XYLT1: variants seen among roughly 807,000 people sequenced by gnomAD.
XYLT1 encodes beta-D-xylosyltransferase 1.
A neutral mutation model predicts 91.3 loss-of-function variants in XYLT1; 36 were observed. The observed-to-expected ratio is 0.39, with a 90% confidence interval of 0.30 to 0.52. The LOEUF (loss-of-function observed/expected upper bound fraction) is 0.52. XYLT1 is among the 20% of genes least tolerant of loss of function. XYLT1 has a pLI of 0.68. For synonymous variants in XYLT1, 588 were observed against 532.0 expected, an observed-to-expected ratio of 1.11 and a Z score of -1.45; for missense variants, 1,242 against 1,284.5, an observed-to-expected ratio of 0.97 and a Z score of 0.51.
chr16:17,399,248 G>A (rs2035932976), intron 1 of XYLT1, among the ~76,000 whole-genome samples: 1 of 152,274 alleles, frequency 6.6e-6, no homozygotes, highest in Admixed American at 6.5e-5. Context: ...TGGCAACGGA[G>A]GCTGAGATGC....
chr16:17,231,049 CTT>C (rs1374002655), intron 3 of XYLT1, among the ~76,000 whole-genome samples: 1 of 152,234 alleles, frequency 6.6e-6, no homozygotes, highest in Admixed American at 6.5e-5. Context: ...TATCTCATGA[CTT>C]GTGCCTCTCA....
chr16:17,298,377 C>T (rs1450026333), intron 2 of XYLT1, among the ~76,000 whole-genome samples: 3 of 152,228 alleles, frequency 2.0e-5, no homozygotes, highest in East Asian at 3.9e-4. Context: ...CTCATCTTCA[C>T]AGCACGCCTG....
intron 5 of XYLT1, among the ~76,000 whole-genome samples, chr16:17,169,212 C>A (rs560822550): frequency 6.6e-6 from 1 of 152,138 alleles, no homozygotes; most frequent in African/African-American, 2.4e-5. Context: ...AATTGAAGCA[C>A]GAGCATTCAG....
chr16:17,311,820 G>A (rs544246667), intron 2 of XYLT1, among the ~76,000 whole-genome samples: 20 of 93,020 alleles, frequency 2.2e-4, no homozygotes, highest in South Asian at 8.5e-4. Context: ...CAAAAGGCAC[G>A]TCTTACATGG....
intron 1 of XYLT1, among the ~76,000 whole-genome samples, chr16:17,448,746 G>A (rs1054570862): frequency 3.5e-4 from 53 of 152,016 alleles, no homozygotes; most frequent in African/African-American, 1.3e-3. Context: ...GGGTGGAGGA[G>A]GAGGAGGGCA....
intron 1 of XYLT1, among the ~76,000 whole-genome samples, chr16:17,417,498 C>T (rs2036194584): frequency 1.3e-5 from 2 of 152,052 alleles, no homozygotes; most frequent in African/African-American, 4.8e-5. Context: ...CCTGCTTGCT[C>T]ATCTCCCAGA....
chr16:17,397,888 T>TCTCGG (rs909924842), intron 1 of XYLT1, among the ~76,000 whole-genome samples: 3 of 149,560 alleles, frequency 2.0e-5, no homozygotes, highest in African/African-American at 7.4e-5. Context: ...AGTGGTGCGA[T>TCTCGG]CTCGGCTCAC....
intron 1 of XYLT1, among the ~76,000 whole-genome samples, chr16:17,432,899 G>T (rs957794536): frequency 6.6e-6 from 1 of 152,060 alleles, no homozygotes; most frequent in Non-Finnish European, 1.5e-5. Flanking sequence ...AACACGCAAG[G>T]GCCACGTATT....
At chr16:17,199,385 G>A (rs2032490319) in intron 4 of XYLT1, among the ~76,000 whole-genome samples, 2 of 152,178 alleles carry the variant, frequency 1.3e-5, no homozygotes, top group South Asian at 2.1e-4. Flanking sequence ...CTCCTTGGCT[G>A]CTTTAGCACA....
rs1011245362 is a variant in XYLT1, at chr16:17,103,874, G to A, written c.*4821C>T. ...AAGAAAGCCCTCCTCCATCTTAAGAGGGTCCTATACAGTATCTTGTTTGCA... is the reference window on the plus strand; with the variant it reads ...AAGAAAGCCCTCCTCCATCTTAAGAAGGTCCTATACAGTATCTTGTTTGCA... On this transcript the variant is annotated 3_prime_UTR_variant, in exon 12 of 12. Transcript: ENST00000261381. 1 of 152,368 alleles carries A rather than the reference G, an allele frequency of 6.6e-6. No homozygotes were observed. Among genetic ancestry groups the A allele is most frequent in the South Asian group, 2.1e-4 (1 of 4,808 alleles). 9.4% of individuals were successfully genotyped at this position (152,368 alleles called of 1,614,324 possible).
At position 17,445,065 on chromosome 16, in the gene XYLT1, T is replaced by C. The variant is rs546848253; in HGVS notation, c.363+25369A>G. 1.9e-3 allele frequency among the ~76,000 whole-genome samples: 285 copies of C among 152,220 alleles called. 1 individual carries two copies. The highest frequency in any genetic ancestry group is 2.8e-3 in the Non-Finnish European group (192 of 68,036). ...CCCAGACTGAAGTGCAGTAGCACGA[T>C]CTCAGCTCACTACAACCTTTGCCTC... On this transcript the variant is annotated intron_variant, in intron 1 of 11. Transcript: ENST00000261381.
intron 5 of XYLT1, chr16:17,194,351 G>A (rs2032382420): frequency 6.6e-6 from 1 of 152,242 alleles, no homozygotes; most frequent in African/African-American, 2.4e-5. Context: ...TTTAGGGGAG[G>A]TGGCCACGCA....
At chr16:17,286,979 C>T (rs1354243191) in intron 2 of XYLT1, among the ~76,000 whole-genome samples, 3 of 152,160 alleles carry the variant, frequency 2.0e-5, no homozygotes, top group African/African-American at 7.2e-5. Flanking sequence ...CGATCATTCA[C>T]TGATCCTGCA....
At chr16:17,441,952 G>C (rs1291884954) in intron 1 of XYLT1, among the ~76,000 whole-genome samples, 1 of 152,158 alleles carries the variant, frequency 6.6e-6, no homozygotes, top group African/African-American at 2.4e-5. Context: ...TACCCAGATA[G>C]TCAGTCAGAC....
At chr16:17,142,981 C>A (rs1161023424) in intron 6 of XYLT1, among the ~76,000 whole-genome samples, 1 of 152,104 alleles carries the variant, frequency 6.6e-6, no homozygotes, top group Non-Finnish European at 1.5e-5. Flanking sequence ...TTCCCATGAA[C>A]CCTAGATTAA....
rs1415638900 is a variant in XYLT1 at position 17,108,353 on chromosome 16, G to C, written c.*342C>G. The stretch of plus-strand genomic sequence containing the variant: ...CTTATGACTGTGCTCCGTAAACGAA[G>C]TTCTGCTGCTCGAAAGAAAAGTCTG... On this transcript the variant is annotated 3_prime_UTR_variant, in exon 12 of 12. Transcript: ENST00000261381. The C allele has an allele frequency of 1.3e-5, 3 of 238,352 alleles. No individual in the cohort carries two copies. Among genetic ancestry groups the C allele is most frequent in the Non-Finnish European group, 2.4e-5 (3 of 123,848 alleles). 14.8% of individuals were successfully genotyped at this position (238,352 alleles called of 1,614,324 possible). A position where few individuals can be genotyped will look rare whatever the true frequency, so the allele number is the denominator to read the frequency against.
At chr16:17,342,693 GC>G in intron 2 of XYLT1, among the ~76,000 whole-genome samples, 1 of 152,080 alleles carries the variant, frequency 6.6e-6, no homozygotes, top group East Asian at 1.9e-4. Flanking sequence ...TTGCACTCCA[GC>G]CTGGGCAACA....
chr16:17,441,430 A>G (rs1209908019), intron 1 of XYLT1, among the ~76,000 whole-genome samples: 1 of 152,186 alleles, frequency 6.6e-6, no homozygotes, highest in Non-Finnish European at 1.5e-5. Context: ...TACCTGAAAG[A>G]ATGGATAACC....
At position 17,287,682 on chromosome 16, in the gene XYLT1, T is replaced by C. The variant is rs533348900; in HGVS notation, c.403-28184A>G. On this transcript the variant is annotated intron_variant, in intron 2 of 11. Coordinates refer to ENST00000261381, the MANE Select transcript of XYLT1 (RefSeq NM_022166.4). The stretch of plus-strand genomic sequence containing the variant: ...CACTTTGCATTAAGGGCCCACTGTG[T>C]GGGGCTCCTGGAGAGGAAGAAAGCA... 5.9e-5 allele frequency among the ~76,000 whole-genome samples: 9 copies of C among 152,258 alleles called. No homozygotes were observed. The East Asian group carries it at 1.7e-3, about 29-fold the overall frequency.
Sources: gnomAD v4.1 joint callset for allele counts (sites outside exome capture counted in the v4.1 genomes callset) on GRCh38, gnomAD v4.1.1 for gene constraint, MANE v1.5 for transcripts, NCBI Gene and HGNC (gene_info 2026-07-23, HGNC 2026-07-21) for gene names.